The following FAM171A1 variants were observed in gnomAD, a reference collection of about 807,000 sequenced individuals.
The protein encoded by FAM171A1 is family with sequence similarity 171 member A1.
Under a neutral mutation model 74.9 loss-of-function variants are expected in FAM171A1, and 23 were observed. That is an observed-to-expected ratio of 0.31 (90% CI 0.22 to 0.44). FAM171A1 has a LOEUF of 0.44. FAM171A1 is among the 20% of genes least tolerant of loss of function. The pLI, the probability that FAM171A1 is intolerant of heterozygous loss-of-function variation, is 1.00. For missense variants in FAM171A1, 1,162 were observed against 1,159.2 expected, an observed-to-expected ratio of 1.00 and a Z score of -0.03; for synonymous variants, 527 against 505.7, an observed-to-expected ratio of 1.04 and a Z score of -0.57.
intron 1 of FAM171A1, among the ~76,000 whole-genome samples, chr10:15,284,443 G>C (rs1835011353): frequency 6.6e-6 from 1 of 151,122 alleles, no homozygotes; most frequent in Admixed American, 6.6e-5. Flanking sequence ...TGTGTGTTTT[G>C]AAACAGTCTC....
At chr10:15,245,188 C>G (rs892674823) in intron 5 of FAM171A1, among the ~76,000 whole-genome samples, 5 of 152,152 alleles carry the variant, frequency 3.3e-5, no homozygotes, top group African/African-American at 1.2e-4. Flanking sequence ...GCCTCAGCCT[C>G]TGGCGTAGCT....
intron 1 of FAM171A1, among the ~76,000 whole-genome samples, chr10:15,307,261 C>T (rs1007374385): frequency 2.0e-5 from 3 of 152,148 alleles, no homozygotes; most frequent in Admixed American, 2.0e-4. Context: ...GCTGAACCTG[C>T]AACCCTGACA....
chr10:15,293,347 G>A (rs1588537682), intron 1 of FAM171A1, among the ~76,000 whole-genome samples: 2 of 152,054 alleles, frequency 1.3e-5, no homozygotes, highest in East Asian at 1.9e-4. Context: ...ATCAATCCAT[G>A]TAACTAACTG....
intron 5 of FAM171A1, among the ~76,000 whole-genome samples, chr10:15,229,693 CCAT>C (rs1834167088): frequency 8.5e-6 from 1 of 118,228 alleles, no homozygotes. Flanking sequence ...ACCATCACCA[CCAT>C]CACCATCATC....
At chr10:15,285,986 G>GTGC in intron 1 of FAM171A1, among the ~76,000 whole-genome samples, 1 of 152,344 alleles carries the variant, frequency 6.6e-6, no homozygotes, top group Middle Eastern at 3.4e-3. Context: ...TGCTAGCCAT[G>GTGC]TAGCCTTGGG....
chr10:15,367,130 C>T (rs971167402), intron 1 of FAM171A1, among the ~76,000 whole-genome samples: 8 of 152,192 alleles, frequency 5.3e-5, no homozygotes, highest in East Asian at 1.9e-4. Context: ...ACCTGGGAGG[C>T]GGAGCTTGCA....
intron 5 of FAM171A1, among the ~76,000 whole-genome samples, chr10:15,221,974 T>C (rs1466392107): frequency 6.6e-6 from 1 of 152,262 alleles, no homozygotes; most frequent in Non-Finnish European, 1.5e-5. Context: ...CCCAAGGTTG[T>C]TGGGCTATTT....
intron 1 of FAM171A1, among the ~76,000 whole-genome samples, chr10:15,357,531 G>A (rs1835947784): frequency 6.6e-6 from 1 of 152,208 alleles, no homozygotes; most frequent in Non-Finnish European, 1.5e-5. Context: ...TTGGCACCTT[G>A]ATAGGGTTTT....
At chr10:15,217,822 G>A (rs1377979887) in intron 6 of FAM171A1, among the ~76,000 whole-genome samples, 2 of 151,470 alleles carry the variant, frequency 1.3e-5, no homozygotes, top group African/African-American at 4.9e-5. Flanking sequence ...AAGTAGAGAT[G>A]GGGTTTCACC....
At chr10:15,373,330 C>A (rs1358380408), upstream of FAM171A1, among the ~76,000 whole-genome samples, 1 of 152,198 alleles carries the variant, frequency 6.6e-6, no homozygotes, top group Non-Finnish European at 1.5e-5. Flanking sequence ...ATGGCACTCA[C>A]TGAACTGGAG....
chr10:15,254,709 G>C lies in FAM171A1; in HGVS notation c.577+12C>G. 1 of 1,610,650 alleles carries C rather than the reference G, an allele frequency of 6.2e-7. No individual in the cohort carries two copies. ...AGTAACTCCCACTGAAAAGAGAAAAGACTCCAATTACCTGTTCCATTTCCG... is the reference window on the plus strand; with the variant it reads ...AGTAACTCCCACTGAAAAGAGAAAACACTCCAATTACCTGTTCCATTTCCG... On this transcript the variant is annotated intron_variant, in intron 4 of 7. Transcript: ENST00000378116.
At chr10:15,346,862 A>G (rs796984376) in intron 1 of FAM171A1, among the ~76,000 whole-genome samples, 4 of 152,266 alleles carry the variant, frequency 2.6e-5, no homozygotes, top group African/African-American at 7.2e-5. Flanking sequence ...AGGGAGGTAA[A>G]TTACTAAAAA....
At chr10:15,361,536 A>G (rs1835994399) in intron 1 of FAM171A1, among the ~76,000 whole-genome samples, 1 of 152,264 alleles carries the variant, frequency 6.6e-6, no homozygotes, top group Middle Eastern at 3.4e-3. Context: ...TACAAAAACT[A>G]GCCAGGTGAG....
chr10:15,232,008 G>C (rs1834213282), intron 5 of FAM171A1, among the ~76,000 whole-genome samples: 2 of 152,174 alleles, frequency 1.3e-5, no homozygotes, highest in African/African-American at 4.8e-5. Flanking sequence ...CAGGAGGTTT[G>C]CTTGAGCCCA....
intron 1 of FAM171A1, among the ~76,000 whole-genome samples, chr10:15,355,623 C>G (rs1835923599): frequency 6.6e-6 from 1 of 152,038 alleles, no homozygotes; most frequent in Admixed American, 6.6e-5. Context: ...GACTGGATTC[C>G]TGAATCGCTT....
chr10:15,281,250 A>T (rs1834967205), intron 2 of FAM171A1, among the ~76,000 whole-genome samples: 1 of 152,188 alleles, frequency 6.6e-6, no homozygotes, highest in African/African-American at 2.4e-5. Flanking sequence ...TCTCCTCCAG[A>T]ACTGTGGGCC....
Position 15,283,942 on chromosome 10 carries a change from A to T in FAM171A1, c.261T>A (p.Ile87=). Residue 87 remains isoleucine (I), a synonymous_variant, in exon 2 of 8, where the codon ATT becomes ATA. Coordinates refer to ENST00000378116, the MANE Select transcript of FAM171A1 (RefSeq NM_001010924.2). ...CGTAGGCATGCTTCGAGGCGGTGAC[A>T]ATCAACTGACTGCCCAGCTTATACT... ...KFQYKLGSQL[I]VTASKHAYVP... 1.9e-6 allele frequency: 3 copies of T among 1,614,184 alleles called. No individual in the cohort carries two copies. The highest frequency in any genetic ancestry group is 2.5e-6 in the Non-Finnish European group (3 of 1,180,036).
chr10:15,300,919 G>A (rs957109489), intron 1 of FAM171A1, among the ~76,000 whole-genome samples: 6 of 152,134 alleles, frequency 3.9e-5, no homozygotes, highest in Admixed American at 2.6e-4. Context: ...TGAGGATCAC[G>A]AAGCGTCTAC....
At chr10:15,317,937 T>G (rs538153522) in intron 1 of FAM171A1, among the ~76,000 whole-genome samples, 1 of 152,352 alleles carries the variant, frequency 6.6e-6, no homozygotes, top group Admixed American at 6.5e-5. Flanking sequence ...ACTACAGGCA[T>G]GTGCTACCAC....
Sources: allele counts gnomAD v4.1 joint callset (sites outside exome capture counted in the v4.1 genomes callset), GRCh38; gene constraint gnomAD v4.1.1; transcripts MANE v1.5; gene names NCBI Gene and HGNC (gene_info 2026-07-23, HGNC 2026-07-21).